The following TMOD4 variants were observed in gnomAD, a reference collection of about 807,000 sequenced individuals.
The protein encoded by TMOD4 is tropomodulin 4.
TMOD4 carries 34 observed loss-of-function variants against 45.4 expected under a neutral mutation model. The ratio of observed to expected loss-of-function variants is 0.75; its 90% CI spans 0.57 to 1.00. TMOD4 has a LOEUF of 1.00. Ranked by LOEUF, TMOD4 falls within the 50% of genes least tolerant of loss-of-function variation. TMOD4 has a pLI of 0.00. For synonymous variants in TMOD4, 131 were observed against 153.9 expected (o/e 0.85, Z 1.10); for missense variants, 399 against 437.5 (o/e 0.91, Z 0.78).
Position 151,171,534 on chromosome 1 carries a change from G to C in TMOD4, c.625C>G (p.Pro209Ala), listed in dbSNP as rs1310150573. 1.2e-6 allele frequency: 2 copies of C among 1,614,108 alleles called. No individual in the cohort carries two copies. Among genetic ancestry groups the C allele is most frequent in the Non-Finnish European group, 1.7e-6 (2 of 1,180,000 alleles). ...EVNLNNIQDIPIPMLSELCEA... is the reference protein window; with the variant it reads ...EVNLNNIQDIAIPMLSELCEA... Reference sequence around the variant, plus strand: ...CACAGCTCACTTAGCATGGGTATTGGGATGTCCTATCGGAGGGGAATAGGA... The same window carrying C: ...CACAGCTCACTTAGCATGGGTATTGCGATGTCCTATCGGAGGGGAATAGGA... Residue 209 changes from proline (P) to alanine (A), a missense_variant, in exon 7 of 10, where the codon CCA (proline) becomes GCA (alanine). Transcript: ENST00000295314.
At chr1:151,173,753 A>C in intron 3 of TMOD4, 138 bp from the exon 4 acceptor site, 2 of 661,216 alleles carry the variant, frequency 3.0e-6, no homozygotes, top group Non-Finnish European at 5.3e-6. Flanking sequence ...CTACAAACTC[A>C]AGAGTCCTTA....
At position 151,172,381 on chromosome 1, in the gene TMOD4, C is replaced by A; in HGVS notation, c.398-24G>T. On this transcript the variant is annotated intron_variant, in intron 4 of 9. Transcript: ENST00000295314. ...TGCTGGAGAGGGTAAGAAGAGGAGT[C>A]ACAGGGAATGAGAAGGAACCTGTTC... 3 of 1,582,252 alleles carry A rather than the reference C, an allele frequency of 1.9e-6. No homozygotes were observed. The South Asian group carries it at 3.3e-5, about 18-fold the overall frequency.
chr1:151,171,697 T>A lies in TMOD4; in HGVS notation c.554A>T (p.Glu185Val), dbSNP rs1008215105. The change falls in exon 6 of 10, where the codon GAG (glutamate) becomes GTG (valine). Residue 185 changes from glutamate (E) to valine (V), a missense_variant. Physicochemically the swap from Glu to Val is moderately radical, Grantham distance 121. Coordinates refer to ENST00000295314, the MANE Select transcript of TMOD4 (RefSeq NM_013353.3). Reference sequence around the variant, plus strand: ...ATTGCTTCGGACCCTCTTTAGTATCTCCTCAATGTTTGTGGGATTTGGGGG... The same window carrying A: ...ATTGCTTCGGACCCTCTTTAGTATCACCTCAATGTTTGTGGGATTTGGGGG... ...DEPPNPTNIEEILKRVRSNDK... is the reference protein window; with the variant it reads ...DEPPNPTNIEVILKRVRSNDK... The A allele has an allele frequency of 6.2e-6, 10 of 1,614,130 alleles. No homozygotes were observed. The highest frequency in any genetic ancestry group is 8.5e-6 in the Non-Finnish European group (10 of 1,180,014).
rs781210481 is a variant in TMOD4 at position 151,174,745 on chromosome 1, G to A, written c.123+8C>T. 1.1e-5 allele frequency: 17 copies of A among 1,613,328 alleles called. No individual in the cohort carries two copies. The highest frequency in any genetic ancestry group is 1.4e-5 in the Non-Finnish European group (16 of 1,180,032). On this transcript the variant is annotated splice_region_variant and intron_variant, in intron 2 of 9. Transcript: ENST00000295314. ...ACTGCCTCTGGTTCCCTGTGCTGGA[G>A]CCCCTACCTCAGGATCCATCTCCTG... is the stretch of plus-strand genomic sequence containing the variant.
intron 3 of TMOD4, 36 bp downstream of exon 3, chr1:151,174,355 G>C: frequency 6.2e-7 from 1 of 1,603,330 alleles, no homozygotes; most frequent in Non-Finnish European, 8.5e-7. Flanking sequence ...ACAGCCACTT[G>C]GGTTCTACGA....
chr1:151,171,897 C>T (rs587639150), intron 5 of TMOD4, 134 bp from the exon 6 acceptor site: 400 of 1,210,758 alleles, frequency 3.3e-4, no homozygotes, highest in Admixed American at 1.3e-3. Context: ...AATGCAGTGG[C>T]ACAATCTCAA....
At position 151,172,326 on chromosome 1, in the gene TMOD4, G is replaced by A. The variant is rs1683987118; in HGVS notation, c.429C>T (p.Asn143=). 11 of 1,613,688 alleles carry A rather than the reference G, an allele frequency of 6.8e-6. No homozygotes were observed. The highest frequency in any genetic ancestry group is 8.5e-6 in the Non-Finnish European group (10 of 1,179,790). ...AILDMYTLMS[N]KQYYDALCSG... ...TGCAGAGGGCATCATAGTATTGCTTGTTACTCATCAGTGTGTACATGTCCA... is the reference window on the plus strand; with the variant it reads ...TGCAGAGGGCATCATAGTATTGCTTATTACTCATCAGTGTGTACATGTCCA... The change falls in exon 5 of 10, where the codon AAC becomes AAT. Residue 143 remains asparagine, a synonymous_variant. Coordinates refer to ENST00000295314, the MANE Select transcript of TMOD4 (RefSeq NM_013353.3).
At chr1:151,172,437 G>C (rs1053800409) in intron 4 of TMOD4, 80 bp from the exon 5 acceptor site, 5 of 1,166,494 alleles carry the variant, frequency 4.3e-6, no homozygotes, top group Non-Finnish European at 5.1e-6. Context: ...TTCTGAATCT[G>C]TTGCATTTGT....
At position 151,172,336 on chromosome 1, in the gene TMOD4, A is replaced by G. The variant is rs772282666; in HGVS notation, c.419T>C (p.Leu140Pro). 1 of 1,613,674 alleles carries G rather than the reference A, an allele frequency of 6.2e-7. No homozygotes were observed. The highest frequency in any genetic ancestry group is 8.5e-7 in the Non-Finnish European group (1 of 1,179,684). ...DIAAILDMYT[L>P]MSNKQYYDAL... The stretch of plus-strand genomic sequence containing the variant: ...ATCATAGTATTGCTTGTTACTCATC[A>G]GTGTGTACATGTCCAGAATTGCTGG... Residue 140 changes from leucine to proline, a missense_variant, in exon 5 of 10, where the codon CTG (leucine) becomes CCG (proline). Physicochemically the swap from Leu to Pro is moderately conservative, Grantham distance 98 (BLOSUM62 -3). Transcript: ENST00000295314.
chr1:151,171,600 G>A lies in TMOD4; in HGVS notation c.618+33C>T, dbSNP rs189151097. The A allele has an allele frequency of 6.5e-4, 1,052 of 1,614,128 alleles. 1 individual carries two copies. The highest frequency in any genetic ancestry group is 8.7e-4 in the Non-Finnish European group (1,025 of 1,179,990). The stretch of plus-strand genomic sequence containing the variant: ...GACTCTCGGATGTCAGTGGTTATCC[G>A]GTGTTATGGTTTGGAGGATGCAAGT... On this transcript the variant is annotated intron_variant, in intron 6 of 9. Coordinates refer to ENST00000295314, the MANE Select transcript of TMOD4 (RefSeq NM_013353.3).
At position 151,173,620 on chromosome 1, in the gene TMOD4, T is replaced by C. The variant is rs201080794; in HGVS notation, c.281-5A>G. On this transcript the variant is annotated splice_polypyrimidine_tract_variant and splice_region_variant and intron_variant, in intron 3 of 9. Coordinates refer to ENST00000295314, the MANE Select transcript of TMOD4 (RefSeq NM_013353.3). ...TGGGCTGAATATAGGGTTTCCCTGA[T>C]GGGGAGATGAAGGATGGCTCAGGTA... 1.1e-4 allele frequency: 174 copies of C among 1,610,326 alleles called. 1 individual carries two copies. In the East Asian group the frequency reaches 2.8e-3, roughly 26 times the overall value.
chr1:151,171,653 C>T lies in TMOD4; in HGVS notation c.598G>A (p.Val200Met), dbSNP rs771590010. The T allele has an allele frequency of 6.8e-6, 11 of 1,613,966 alleles. No homozygotes were observed. Among genetic ancestry groups the T allele is most frequent in the Non-Finnish European group, 8.5e-6 (10 of 1,180,016 alleles). ...VRSNDKELEE[V>M]NLNNIQDIPI... Reference sequence around the variant, plus strand: ...AATACCTGTATATTATTCAAGTTCACCTCCTCCAGCTCCTTGTCATTGCTT... The same window carrying T: ...AATACCTGTATATTATTCAAGTTCATCTCCTCCAGCTCCTTGTCATTGCTT... The change falls in exon 6 of 10, where the codon GTG becomes ATG. Residue 200 changes from valine (V) to methionine (M), a missense_variant. Physicochemically the swap from Val to Met is conservative, Grantham distance 21. Coordinates refer to ENST00000295314, the MANE Select transcript of TMOD4 (RefSeq NM_013353.3).
chr1:151,172,363 G>A lies in TMOD4; in HGVS notation c.398-6C>T. 1.2e-6 allele frequency: 2 copies of A among 1,610,590 alleles called. No individual in the cohort carries two copies. The highest frequency in any genetic ancestry group is 1.7e-6 in the Non-Finnish European group (2 of 1,176,982). On this transcript the variant is annotated splice_polypyrimidine_tract_variant and splice_region_variant and intron_variant, in intron 4 of 9. Coordinates refer to ENST00000295314, the MANE Select transcript of TMOD4 (RefSeq NM_013353.3). ...TGTGTACATGTCCAGAATTGCTGGA[G>A]AGGGTAAGAAGAGGAGTCACAGGGA...
At chr1:151,172,197 T>TG (rs1683982322) in intron 5 of TMOD4, 71 bp downstream of exon 5, 2 of 1,279,982 alleles carry the variant, frequency 1.6e-6, no homozygotes, top group Non-Finnish European at 1.1e-6. Context: ...TTTCACCCTT[T>TG]TCTACCTTCT....
chr1:151,170,155 G>T (rs1683902162), intron 9 of TMOD4, 52 bp from the exon 10 acceptor site: 1 of 1,608,400 alleles, frequency 6.2e-7, no homozygotes, highest in South Asian at 1.1e-5. Context: ...CCTGCTTTCT[G>T]CAAAGGCACT....
intron 2 of TMOD4, 84 bp from the exon 3 acceptor site, chr1:151,174,631 C>G: frequency 1.3e-6 from 2 of 1,594,610 alleles, no homozygotes; most frequent in Admixed American, 3.4e-5. Flanking sequence ...CACCGGACAC[C>G]TTTCCCCTGG....
At chr1:151,174,999 G>T in intron 1 of TMOD4, 82 bp from the exon 2 acceptor site, 2 of 1,100,468 alleles carry the variant, frequency 1.8e-6, no homozygotes, top group Non-Finnish European at 2.7e-6. Flanking sequence ...AGCCAGGGGG[G>T]CAGAACATTG....
Position 151,172,252 on chromosome 1 carries a change from C to T in TMOD4, c.487+16G>A, listed in dbSNP as rs766265849. On this transcript the variant is annotated intron_variant, in intron 5 of 9. Coordinates refer to ENST00000295314, the MANE Select transcript of TMOD4 (RefSeq NM_013353.3). ...TGCCCAGAGCCCTGGGGACCATGCT[C>T]CCCAAACACACTCACTGCTAATGCC... 8.1e-6 allele frequency: 13 copies of T among 1,606,984 alleles called. No individual in the cohort carries two copies. Among genetic ancestry groups the T allele is most frequent in the African/African-American group, 1.3e-5 (1 of 74,890 alleles).
chr1:151,174,405 G>A lies in TMOD4; in HGVS notation c.266C>T (p.Thr89Ile). The A allele has an allele frequency of 6.2e-7, 1 of 1,614,138 alleles. No individual in the cohort carries two copies. Among genetic ancestry groups the A allele is most frequent in the Non-Finnish European group, 8.5e-7 (1 of 1,180,004 alleles). Residue 89 changes from threonine to isoleucine, a missense_variant, in exon 3 of 10, where the codon ACA becomes ATA. By Grantham distance (89) the Thr-to-Ile change is moderately conservative. Transcript: ENST00000295314. ...VKERDDLVPF[T>I]GEKKGKPYIQ... ...GGTCCCCATACCCTTCTTCTCGCCT[G>A]TGAAGGGCACCAAGTCATCACGCTC...
Sources: gnomAD v4.1 joint callset for allele counts on GRCh38, gnomAD v4.1.1 for gene constraint, MANE v1.5 for transcripts, NCBI Gene and HGNC (gene_info 2026-07-23, HGNC 2026-07-21) for gene names.